Variants in RFX8 observed in about 807,000 individuals in gnomAD.
RFX8 encodes the protein regulatory factor X8.
In RFX8, 46 loss-of-function variants were observed where a neutral mutation model predicts 54.6. The ratio of observed to expected loss-of-function variants is 0.84; its 90% CI spans 0.67 to 1.08. RFX8 has a LOEUF of 1.08. RFX8 is among the 50% of genes least tolerant of loss of function. RFX8 has a pLI of 0.00. For missense variants in RFX8, 536 were observed against 562.3 expected (o/e 0.95, Z 0.47); for synonymous variants, 192 against 209.5 (o/e 0.92, Z 0.72).
At chr2:101,472,398 G>A (rs1432544517) in intron 1 of RFX8, among the ~76,000 whole-genome samples, 6 of 151,874 alleles carry the variant, frequency 4.0e-5, no homozygotes, top group African/African-American at 7.3e-5. Flanking sequence ...CACCGCACCC[G>A]GCCTCAACGA....
intron 1 of RFX8, among the ~76,000 whole-genome samples, chr2:101,470,880 C>G (rs777343298): frequency 4.0e-4 from 60 of 150,648 alleles, no homozygotes; most frequent in Admixed American, 4.0e-3. Flanking sequence ...CCACCTCGCC[C>G]GGCTAATTTT....
At chr2:101,466,164 T>C (rs1258087605) in intron 2 of RFX8, among the ~76,000 whole-genome samples, 1 of 152,104 alleles carries the variant, frequency 6.6e-6, no homozygotes, top group Non-Finnish European at 1.5e-5. Context: ...CACTCAGCCA[T>C]GCACCCCCTG....
chr2:101,435,067 A>AGC (rs1487815590), intron 2 of RFX8: 3 of 152,278 alleles, frequency 2.0e-5, no homozygotes. Context: ...GCTCGCCGCC[A>AGC]GCGCGGTGCA....
chr2:101,472,677 T>C (rs1158157261), intron 1 of RFX8, among the ~76,000 whole-genome samples: 2 of 152,160 alleles, frequency 1.3e-5, no homozygotes, highest in Non-Finnish European at 2.9e-5. Flanking sequence ...ACACTAATGA[T>C]AGCTGATGAG....
rs1324841833 is a variant in RFX8 at position 101,412,782 on chromosome 2, T to G, written c.718+133A>C. 5 of 908,212 alleles carry G rather than the reference T, an allele frequency of 5.5e-6. No individual in the cohort carries two copies. The Admixed American group carries it at 1.4e-4, about 26-fold the overall frequency. The allele number at this position is 908,212 out of a possible 1,614,324, so 56.3% of individuals were successfully genotyped here. On this transcript the variant is annotated intron_variant, in intron 8 of 11. Transcript: ENST00000428343. ...TCACCCCACTACAGGAAGAGAAGTGTGAGCAGACAACTTAGAACATCGGAG... is the reference window on the plus strand; with the variant it reads ...TCACCCCACTACAGGAAGAGAAGTGGGAGCAGACAACTTAGAACATCGGAG...
chr2:101,410,816 A>T (rs1309068180), intron 8 of RFX8, 103 bp from the exon 9 acceptor site: 7 of 651,184 alleles, frequency 1.1e-5, no homozygotes, highest in Non-Finnish European at 1.9e-5. Flanking sequence ...ACTGAACAAT[A>T]GCTCGAAGGG....
Position 101,466,767 on chromosome 2 carries a change from A to G in RFX8, c.72+10T>C. ...AGTGAATAGAGCGTTCTTAATCTTC[A>G]ACAACTTACCTTCCCAAAGGTGGCC... On this transcript the variant is annotated intron_variant, in intron 2 of 11. Coordinates refer to ENST00000428343, the MANE Select transcript of RFX8 (RefSeq NM_001145664.2). The G allele has an allele frequency of 6.5e-7, 1 of 1,545,992 alleles. No homozygotes were observed. Among genetic ancestry groups the G allele is most frequent in the East Asian group, 2.4e-5 (1 of 40,906 alleles).
At chr2:101,469,153 TACAC>T (rs1213121038) in intron 1 of RFX8, among the ~76,000 whole-genome samples, 2 of 132,974 alleles carry the variant, frequency 1.5e-5, no homozygotes, top group African/African-American at 3.1e-5. Flanking sequence ...TATATATATA[TACAC>T]ACACACACAC....
chr2:101,465,041 A>G (rs1689498183), intron 2 of RFX8, among the ~76,000 whole-genome samples: 1 of 152,206 alleles, frequency 6.6e-6, no homozygotes, highest in Non-Finnish European at 1.5e-5. Flanking sequence ...ATGGCAAAAT[A>G]TGACCTGGAT....
chr2:101,445,776 G>A (rs1447752188), intron 2 of RFX8, among the ~76,000 whole-genome samples: 1 of 151,994 alleles, frequency 6.6e-6, no homozygotes, highest in African/African-American at 2.4e-5. Context: ...AATAAAAGGA[G>A]AGACCTTGTT....
At chr2:101,405,177 G>A (rs568742569) in intron 10 of RFX8, among the ~76,000 whole-genome samples, 143 of 144,828 alleles carry the variant, frequency 9.9e-4, no homozygotes, top group South Asian at 2.2e-3. Context: ...GTGAAGTTTC[G>A]TTCTTGTCAC....
At chr2:101,421,501 A>G (rs1337315715) in intron 4 of RFX8, 1 of 1,267,574 alleles carries the variant, frequency 7.9e-7, no homozygotes. Context: ...TATCTGTATT[A>G]GCACCTTGGA....
chr2:101,412,955 C>T lies in RFX8; in HGVS notation c.678G>A (p.Arg226=). 2 of 1,551,812 alleles carry T rather than the reference C, an allele frequency of 1.3e-6. No homozygotes were observed. Among genetic ancestry groups the T allele is most frequent in the African/African-American group, 1.4e-5 (1 of 73,168 alleles). ...TGTTCTCCAGTTCATCTGCGCCACTCCGGTCACTTGCCAGGGCTTTCTTAG... is the reference window on the plus strand; with the variant it reads ...TGTTCTCCAGTTCATCTGCGCCACTTCGGTCACTTGCCAGGGCTTTCTTAG... The part of the protein sequence containing the change: ...ATSKKALASD[R]SGADELENNP... The change falls in exon 8 of 12, where the codon CGG becomes CGA. Residue 226 remains arginine, a synonymous_variant. Transcript: ENST00000428343.
At chr2:101,442,229 AC>A (rs1688138797) in intron 2 of RFX8, among the ~76,000 whole-genome samples, 1 of 152,218 alleles carries the variant, frequency 6.6e-6, no homozygotes, top group African/African-American at 2.4e-5. Flanking sequence ...TGTCTCAAGT[AC>A]CAGATGGAGG....
chr2:101,438,524 T>A (rs6708221), intron 2 of RFX8, among the ~76,000 whole-genome samples: 115,137 of 152,150 alleles, frequency 0.76, 44,529 homozygotes, highest in Middle Eastern at 0.88. Context: ...GCTATTACAC[T>A]TAAACTTGCT....
intron 2 of RFX8, among the ~76,000 whole-genome samples, chr2:101,457,857 G>C (rs1227612620): frequency 6.6e-6 from 1 of 152,142 alleles, no homozygotes; most frequent in Admixed American, 6.5e-5. Flanking sequence ...TCTCTTTGTA[G>C]GTCTCTAAGG....
At chr2:101,472,258 C>T (rs1485959786) in intron 1 of RFX8, among the ~76,000 whole-genome samples, 3 of 152,148 alleles carry the variant, frequency 2.0e-5, no homozygotes, top group African/African-American at 7.2e-5. Flanking sequence ...CCCGCCACCA[C>T]ACCCAGCTAA....
intron 2 of RFX8, among the ~76,000 whole-genome samples, chr2:101,434,298 C>T (rs1687650953): frequency 6.6e-6 from 1 of 152,140 alleles, no homozygotes. Context: ...TTAACAAGAA[C>T]AATCTTTCTT....
intron 4 of RFX8, among the ~76,000 whole-genome samples, chr2:101,420,681 T>C (rs532663148): frequency 3.3e-5 from 5 of 152,308 alleles, no homozygotes; most frequent in South Asian, 4.1e-4. Context: ...CTGGAATCCC[T>C]CTCCTACCCC....
Sources: gnomAD v4.1 joint callset for allele counts (sites outside exome capture counted in the v4.1 genomes callset) on GRCh38, gnomAD v4.1.1 for gene constraint, MANE v1.5 for transcripts, NCBI Gene and HGNC (gene_info 2026-07-23, HGNC 2026-07-21) for gene names.